The following ANKS1B variants were observed in gnomAD, a reference collection of about 807,000 sequenced individuals.
ANKS1B encodes ankyrin repeat and sterile alpha motif domain containing 1B, also known as ankyrin repeat and sterile alpha motif domain-containing protein 1B.
A neutral mutation model predicts 148.3 loss-of-function variants in ANKS1B; 36 were observed. The ratio of observed to expected loss-of-function variants is 0.24; its 90% CI spans 0.19 to 0.32. The LOEUF (loss-of-function observed/expected upper bound fraction) is 0.32, where lower values mean the gene tolerates loss of function less well. Among genes scored for constraint, ANKS1B ranks in the 10% least tolerant of loss-of-function variants. ANKS1B has a pLI of 1.00. For synonymous variants in ANKS1B, 542 were observed against 560.8 expected (o/e 0.97, Z 0.47); for missense variants, 1,157 against 1,542.6 (o/e 0.75, Z 4.19).
intron 7 of ANKS1B, 113 bp from the exon 8 acceptor site, chr12:99,773,201 G>T: frequency 1.2e-6 from 1 of 822,320 alleles, no homozygotes; most frequent in Non-Finnish European, 1.9e-6. Context: ...ACAAGATTAA[G>T]CAGTCAGACA....
rs11109774 is a variant in ANKS1B at position 99,247,053 on chromosome 12, G to A, written c.1757-189C>T. 1.7e-3 allele frequency among the ~76,000 whole-genome samples: 252 copies of A among 152,268 alleles called. 8 individuals carry two copies. The East Asian group carries it at 0.042, about 25-fold the overall frequency. On this transcript the variant is annotated intron_variant, in intron 12 of 26. Transcript: ENST00000683438. ...AGAATGAATGTATGAGTGTGTGTGC[G>A]TGTGTATGCATGTGTGAATCATTCT...
intron 19 of ANKS1B, among the ~76,000 whole-genome samples, chr12:98,814,303 C>T (rs1476329842): frequency 6.6e-6 from 1 of 152,190 alleles, no homozygotes; most frequent in Non-Finnish European, 1.5e-5. Flanking sequence ...ATGTTTAGGG[C>T]TTGGAACACA....
chr12:99,943,590 G>C (rs1348564609), intron 1 of ANKS1B, among the ~76,000 whole-genome samples: 1 of 152,114 alleles, frequency 6.6e-6, no homozygotes, highest in Non-Finnish European at 1.5e-5. Flanking sequence ...GAGAAAACTT[G>C]TGTAAGAGAA....
intron 9 of ANKS1B, among the ~76,000 whole-genome samples, chr12:99,606,464 A>T (rs1304046212): frequency 2.6e-5 from 4 of 151,956 alleles, no homozygotes; most frequent in Non-Finnish European, 5.9e-5. Flanking sequence ...GAACTGTCTC[A>T]TATTAGTACA....
chr12:99,634,065 T>C (rs1002721457), intron 9 of ANKS1B, among the ~76,000 whole-genome samples: 1 of 152,178 alleles, frequency 6.6e-6, no homozygotes, highest in Admixed American at 6.6e-5. Context: ...ACATCAGTTT[T>C]GGAGGGCCAG....
At chr12:99,591,547 G>C (rs2097703240) in intron 9 of ANKS1B, among the ~76,000 whole-genome samples, 1 of 53,628 alleles carries the variant, frequency 1.9e-5, no homozygotes, top group Admixed American at 1.7e-4. Context: ...GTAGCTTCTA[G>C]GGTAACTATT....
At chr12:99,282,520 A>T (rs2078608311) in intron 12 of ANKS1B, among the ~76,000 whole-genome samples, 1 of 152,138 alleles carries the variant, frequency 6.6e-6, no homozygotes, top group Non-Finnish European at 1.5e-5. Context: ...TAGGGAAGAG[A>T]AGGTCGAAGC....
intron 9 of ANKS1B, among the ~76,000 whole-genome samples, chr12:99,652,913 C>A (rs1216902504): frequency 6.6e-6 from 1 of 151,876 alleles, no homozygotes; most frequent in African/African-American, 2.4e-5. Context: ...AAAAGGAGTT[C>A]TAAATAAGAT....
chr12:99,722,711 G>C (rs982760231), intron 8 of ANKS1B, among the ~76,000 whole-genome samples: 2 of 152,180 alleles, frequency 1.3e-5, no homozygotes, highest in Non-Finnish European at 2.9e-5. Context: ...TCTTATGTAA[G>C]AAATACAGGG....
At chr12:99,961,195 C>CT (rs908578642) in intron 1 of ANKS1B, among the ~76,000 whole-genome samples, 4 of 152,190 alleles carry the variant, frequency 2.6e-5, no homozygotes, top group Non-Finnish European at 5.9e-5. Context: ...TGCCACTGCA[C>CT]TCCAGCCTGG....
chr12:99,424,537 A>G (rs1380973572), intron 11 of ANKS1B, among the ~76,000 whole-genome samples: 1 of 151,946 alleles, frequency 6.6e-6, no homozygotes, highest in African/African-American at 2.4e-5. Flanking sequence ...ACAGGTTTGA[A>G]AAAAATAGAC....
At chr12:99,787,254 C>T (rs2065104229) in intron 4 of ANKS1B, among the ~76,000 whole-genome samples, 4 of 152,104 alleles carry the variant, frequency 2.6e-5, no homozygotes, top group Admixed American at 2.6e-4. Flanking sequence ...CAATTACCCT[C>T]ATGCTGTTCT....
chr12:99,198,713 C>T (rs2081688692), intron 14 of ANKS1B, among the ~76,000 whole-genome samples: 1 of 152,104 alleles, frequency 6.6e-6, no homozygotes, highest in Admixed American at 6.6e-5. Flanking sequence ...TAATTAATAA[C>T]ATCTAATATT....
intron 11 of ANKS1B, among the ~76,000 whole-genome samples, chr12:99,419,122 A>G (rs1233746224): frequency 6.6e-6 from 1 of 152,188 alleles, no homozygotes; most frequent in African/African-American, 2.4e-5. Flanking sequence ...CTAGGTCATA[A>G]AATGAATTAG....
chr12:99,697,648 T>A lies in ANKS1B; in HGVS notation c.1129-42438A>T, dbSNP rs76940387. Among the ~76,000 whole-genome samples, 664 of 152,256 alleles carry A rather than the reference T, an allele frequency of 4.4e-3. 28 individuals carry two copies. The East Asian group carries it at 0.063, about 14-fold the overall frequency. ...AGGGTAGTGAAACTATTCTATATGTTACTGTAACTGTGGCTACATGACATT... is the reference window on the plus strand; with the variant it reads ...AGGGTAGTGAAACTATTCTATATGTAACTGTAACTGTGGCTACATGACATT... On this transcript the variant is annotated intron_variant, in intron 8 of 26. Transcript: ENST00000683438.
intron 9 of ANKS1B, among the ~76,000 whole-genome samples, chr12:99,514,141 AT>A (rs1475560630): frequency 1.3e-5 from 2 of 152,188 alleles, no homozygotes; most frequent in East Asian, 3.9e-4. Flanking sequence ...GATAAGATAA[AT>A]GGGATTAATT....
At chr12:99,878,633 C>T (rs975343131) in intron 1 of ANKS1B, among the ~76,000 whole-genome samples, 1 of 152,146 alleles carries the variant, frequency 6.6e-6, no homozygotes, top group Non-Finnish European at 1.5e-5. Context: ...CTTTTTTCTC[C>T]TATTTCCCAT....
At chr12:99,202,587 A>T (rs2082193976) in intron 14 of ANKS1B, among the ~76,000 whole-genome samples, 1 of 152,258 alleles carries the variant, frequency 6.6e-6, no homozygotes, top group Admixed American at 6.5e-5. Flanking sequence ...ACATTGTTAG[A>T]TTAAAATAGT....
At chr12:99,679,734 C>CA (rs2098603375) in intron 8 of ANKS1B, among the ~76,000 whole-genome samples, 1 of 152,138 alleles carries the variant, frequency 6.6e-6, no homozygotes, top group Non-Finnish European at 1.5e-5. Context: ...AGTTAGAACA[C>CA]AATAGACCAA....
Sources: allele counts gnomAD v4.1 joint callset (sites outside exome capture counted in the v4.1 genomes callset), GRCh38; gene constraint gnomAD v4.1.1; transcripts MANE v1.5; gene names NCBI Gene and HGNC (gene_info 2026-07-23, HGNC 2026-07-21).